COL21A1: variants seen among roughly 807,000 people sequenced by gnomAD.
COL21A1 encodes collagen type XXI alpha 1 chain, also known as collagen alpha-1(XXI) chain.
COL21A1 carries 149 observed loss-of-function variants against 137.9 expected under a neutral mutation model. That is an observed-to-expected ratio of 1.08 (90% confidence interval 0.95 to 1.24). The LOEUF (loss-of-function observed/expected upper bound fraction) is 1.24. Ranked by LOEUF, COL21A1 falls within the 50% of genes most tolerant of loss-of-function variation. COL21A1 has a pLI of 0.00. For synonymous variants in COL21A1, 456 were observed against 391.5 expected (o/e 1.16, Z -1.95); for missense variants, 1,167 against 1,158.4 (o/e 1.01, Z -0.11).
intron 1 of COL21A1, among the ~76,000 whole-genome samples, chr6:56,310,729 A>T (rs72870232): frequency 1.3e-5 from 2 of 152,208 alleles, no homozygotes; most frequent in African/African-American, 4.8e-5. Context: ...CAAAAGCTTT[A>T]CCATCCAATG....
chr6:56,175,804 A>G (rs554619677), intron 3 of COL21A1, among the ~76,000 whole-genome samples: 11 of 152,324 alleles, frequency 7.2e-5, no homozygotes, highest in African/African-American at 2.6e-4. Context: ...TGAAACCTCA[A>G]AAGACCTCAA....
intron 1 of COL21A1, among the ~76,000 whole-genome samples, chr6:56,329,657 C>T (rs1383085789): frequency 6.6e-6 from 1 of 151,998 alleles, no homozygotes; most frequent in Admixed American, 6.6e-5. Context: ...GTCCCACAAA[C>T]TCCGGTCACA....
At chr6:56,197,991 G>T (rs1025376897) in intron 1 of COL21A1, among the ~76,000 whole-genome samples, 1 of 151,972 alleles carries the variant, frequency 6.6e-6, no homozygotes, top group Non-Finnish European at 1.5e-5. Flanking sequence ...AGAAACTGGG[G>T]TGTGTGTACA....
At chr6:56,183,590 A>T (rs898157270) in intron 1 of COL21A1, among the ~76,000 whole-genome samples, 6 of 152,188 alleles carry the variant, frequency 3.9e-5, no homozygotes, top group African/African-American at 1.4e-4. Context: ...AGTATAGAAC[A>T]GCCTAGAGAG....
intron 1 of COL21A1, among the ~76,000 whole-genome samples, chr6:56,314,275 A>G (rs7749126): frequency 0.26 from 38,899 of 151,962 alleles, 5,867 homozygotes; most frequent in African/African-American, 0.42. Flanking sequence ...GAGCCACCGC[A>G]CCTGGCCAGA....
intron 1 of COL21A1, among the ~76,000 whole-genome samples, chr6:56,236,470 A>C (rs1363710686): frequency 6.6e-6 from 1 of 152,034 alleles, no homozygotes; most frequent in African/African-American, 2.4e-5. Flanking sequence ...AACAATACTC[A>C]TATCACGAAC....
At position 56,174,554 on chromosome 6, in the gene COL21A1, C is replaced by A. The variant is rs557728360; in HGVS notation, c.641-3426G>T. ...GACTATATATCAACAAATTGGTAAC[C>A]TAGAAGAAATGAATAAATTCCTAGA... On this transcript the variant is annotated intron_variant, in intron 3 of 29. Coordinates refer to ENST00000244728, the MANE Select transcript of COL21A1 (RefSeq NM_030820.4). 3.3e-5 allele frequency among the ~76,000 whole-genome samples: 5 copies of A among 151,914 alleles called. No homozygotes were observed. In the South Asian group the frequency reaches 8.3e-4, roughly 25 times the overall value.
chr6:56,230,511 T>C lies in COL21A1; in HGVS notation c.-39+16876A>G, dbSNP rs1415125363. On this transcript the variant is annotated intron_variant, in intron 1 of 29. Coordinates refer to ENST00000244728, the MANE Select transcript of COL21A1 (RefSeq NM_030820.4). The stretch of plus-strand genomic sequence containing the variant: ...GATATACTTCTTATATTAATTCAAA[T>C]GGCATCCTTGATGAGGATGAATTGT... 2.0e-5 allele frequency among the ~76,000 whole-genome samples: 3 copies of C among 151,904 alleles called. No homozygotes were observed. In the East Asian group the frequency reaches 5.8e-4, roughly 29 times the overall value.
In COL21A1 at chr6:56,182,632, T is replaced by C; in HGVS notation, c.-14A>G. Reference sequence around the variant, plus strand: ...ATAGTGAGCCATGTTTCTGTTTTCGTTCTAATATTTTGGTTTTAGGATTCC... The same window carrying C: ...ATAGTGAGCCATGTTTCTGTTTTCGCTCTAATATTTTGGTTTTAGGATTCC... On this transcript the variant is annotated 5_prime_UTR_variant, in exon 2 of 30. Coordinates refer to ENST00000244728, the MANE Select transcript of COL21A1 (RefSeq NM_030820.4). The C allele has an allele frequency of 6.3e-7, 1 of 1,576,974 alleles. No individual in the cohort carries two copies. The highest frequency in any genetic ancestry group is 8.6e-7 in the Non-Finnish European group (1 of 1,157,132).
intron 1 of COL21A1, among the ~76,000 whole-genome samples, chr6:56,369,267 A>G (rs1195519097): frequency 6.6e-6 from 1 of 151,950 alleles, no homozygotes; most frequent in Non-Finnish European, 1.5e-5. Context: ...CTATAAAGTT[A>G]TAATAGTTCA....
chr6:56,215,435 T>G (rs1372215702), intron 1 of COL21A1, among the ~76,000 whole-genome samples: 11 of 152,030 alleles, frequency 7.2e-5, no homozygotes, highest in Admixed American at 7.2e-4. Flanking sequence ...CAACTATGGA[T>G]CAAGATGGAA....
intron 9 of COL21A1, among the ~76,000 whole-genome samples, chr6:56,161,658 A>T: frequency 6.6e-6 from 1 of 152,196 alleles, no homozygotes; most frequent in East Asian, 1.9e-4. Flanking sequence ...ATCATTCCCT[A>T]TGTTTATCAT....
intron 1 of COL21A1, among the ~76,000 whole-genome samples, chr6:56,238,239 C>A (rs4715597): frequency 2.0e-5 from 3 of 151,740 alleles, no homozygotes; most frequent in Non-Finnish European, 4.4e-5. Flanking sequence ...CTGAGTGCTC[C>A]AGGACAGGAA....
At chr6:56,224,289 G>C (rs1781057048) in intron 1 of COL21A1, among the ~76,000 whole-genome samples, 1 of 152,094 alleles carries the variant, frequency 6.6e-6, no homozygotes, top group Non-Finnish European at 1.5e-5. Context: ...TACCAGACTA[G>C]TTAGCTTGCA....
intron 1 of COL21A1, among the ~76,000 whole-genome samples, chr6:56,233,598 A>G (rs1781720857): frequency 6.6e-6 from 1 of 151,764 alleles, no homozygotes; most frequent in Non-Finnish European, 1.5e-5. Flanking sequence ...AAAATATTTC[A>G]GAAGAATATT....
intron 17 of COL21A1, among the ~76,000 whole-genome samples, chr6:56,096,112 GC>G (rs575346551): frequency 1.1e-3 from 172 of 151,466 alleles, no homozygotes; most frequent in Middle Eastern, 3.5e-3. Flanking sequence ...CTCCCAAAAT[GC>G]TGGGATTACA....
chr6:56,144,616 G>C (rs1774693018), intron 10 of COL21A1, among the ~76,000 whole-genome samples: 1 of 152,150 alleles, frequency 6.6e-6, no homozygotes, highest in Admixed American at 6.5e-5. Flanking sequence ...AAATGCTGCT[G>C]TGCTGTCTCT....
At chr6:56,162,308 G>C (rs1036690861) in intron 9 of COL21A1, among the ~76,000 whole-genome samples, 1 of 152,126 alleles carries the variant, frequency 6.6e-6, no homozygotes, top group African/African-American at 2.4e-5. Flanking sequence ...GATCAAAAAG[G>C]CACGCCAACT....
Position 56,362,046 on chromosome 6 carries a change from G to T in COL21A1, c.-39+31925C>A, listed in dbSNP as rs193045241. Among the ~76,000 whole-genome samples, 8 of 152,210 alleles carry T rather than the reference G, an allele frequency of 5.3e-5. No individual in the cohort carries two copies. The South Asian group carries it at 1.0e-3, about 20-fold the overall frequency. ...TCCAGGTTAACTGAACACAATGAGCGCTTGCCCCTGGAAACCCTTGCCCAA... is the reference window on the plus strand; with the variant it reads ...TCCAGGTTAACTGAACACAATGAGCTCTTGCCCCTGGAAACCCTTGCCCAA... On this transcript the variant is annotated intron_variant, in intron 1 of 28. Coordinates refer to the COL21A1 transcript ENST00000370819.
Sources: allele counts gnomAD v4.1 joint callset (sites outside exome capture counted in the v4.1 genomes callset), GRCh38; gene constraint gnomAD v4.1.1; transcripts MANE v1.5; gene names NCBI Gene and HGNC (gene_info 2026-07-23, HGNC 2026-07-21).